ZNF44: variants seen among roughly 807,000 people sequenced by gnomAD.
The protein encoded by ZNF44 is gonadotropin inducible transcription repressor-2.
ZNF44 carries 9 observed loss-of-function variants against 11.7 expected under a neutral mutation model. The ratio of observed to expected loss-of-function variants is 0.77; its 90% CI spans 0.46 to 1.35. The LOEUF (loss-of-function observed/expected upper bound fraction) is 1.35, where lower values mean the gene tolerates loss of function less well. Among genes scored for constraint, ZNF44 ranks in the 40% most tolerant of loss-of-function variants. ZNF44 has a pLI of 0.00. For missense variants in ZNF44, 696 were observed against 743.1 expected (o/e 0.94, Z 0.74); for synonymous variants, 224 against 242.7 (o/e 0.92, Z 0.72).
downstream of ZNF44, among the ~76,000 whole-genome samples, chr19:12,269,026 G>C (rs1022757032): frequency 2.6e-5 from 4 of 151,824 alleles, no homozygotes; most frequent in South Asian, 2.1e-4. Flanking sequence ...TTACAGGCTT[G>C]AGCCACCATG....
chr19:12,274,461 G>C (rs1029782930), intron 3 of ZNF44, among the ~76,000 whole-genome samples: 9 of 151,374 alleles, frequency 5.9e-5, no homozygotes, highest in African/African-American at 1.9e-4. Context: ...TTTTAGTAGA[G>C]ATGGGGTTTC....
At position 12,276,311 on chromosome 19, in the gene ZNF44, G is replaced by A. The variant is rs566844507; in HGVS notation, c.4-229C>T. On this transcript the variant is annotated intron_variant, in intron 1 of 3. Transcript: ENST00000355684. ...GAGTAGGAACATATCTCTTATTGGT[G>A]AATTATGCAAGTGAATCTTATTGCC... is the stretch of plus-strand genomic sequence containing the variant. The A allele has an allele frequency of 4.0e-4, 246 of 607,816 alleles. 4 individuals carry two copies. The highest frequency in any genetic ancestry group is 3.5e-3 in the South Asian group (235 of 66,730). The allele number at this position is 607,816 out of a possible 1,614,324, so 37.7% of individuals were successfully genotyped here. A position where few individuals can be genotyped will look rare whatever the true frequency, so the allele number is the denominator to read the frequency against.
At chr19:12,247,219 A>AT, downstream of ZNF44, 1 of 1,066,244 alleles carries the variant, frequency 9.4e-7, no homozygotes, top group East Asian at 6.1e-5. Flanking sequence ...ATGAACTTTC[A>AT]TATCAACTTT....
chr19:12,272,778 G>A lies in ZNF44; in HGVS notation c.1477C>T (p.Arg493Cys), dbSNP rs368912997. ...KAFSSFKYFC[R>C]HERTHSEEKS... ...TCTTCACTGTGAGTCCTTTCATGGC[G>A]ACAAAAGTATTTAAAAGAACTAAAT... is the stretch of plus-strand genomic sequence containing the variant. The change falls in exon 4 of 4, where the codon CGC (arginine) becomes TGC (cysteine). Residue 493 changes from arginine (R) to cysteine (C), a missense_variant. Arg to Cys is a radical substitution (Grantham distance 180). Transcript: ENST00000355684. 264 of 1,613,208 alleles carry A rather than the reference G, an allele frequency of 1.6e-4. No homozygotes were observed. The highest frequency in any genetic ancestry group is 5.4e-4 in the South Asian group (49 of 91,030).
chr19:12,260,483 C>T, intron 5 of ZNF44: 1 of 1,314,950 alleles, frequency 7.6e-7, no homozygotes, highest in Non-Finnish European at 1.1e-6. Context: ...TCCTGTGCAG[C>T]CAGAAGCCTG....
rs748122765 is a variant in ZNF44, at chr19:12,276,063, T to A, written c.23A>T (p.Asp8Val). ...CTCATGGGTGAAGTTCACAGCCACA[T>A]CCTCAAAGGCCACTGAGTCCTGAAA... MDSVAFEDVAVNFTHEEW... is the reference protein window; with the variant it reads MDSVAFEVVAVNFTHEEW... Residue 8 changes from aspartate to valine, a missense_variant, in exon 2 of 4, where the codon GAT becomes GTT. Physicochemically the swap from Asp to Val is radical, Grantham distance 152 (BLOSUM62 -3). Coordinates refer to ENST00000355684, the MANE Select transcript of ZNF44 (RefSeq NM_016264.4). 3.7e-6 allele frequency: 6 copies of A among 1,607,030 alleles called. No homozygotes were observed. The South Asian group carries it at 6.6e-5, about 18-fold the overall frequency.
At chr19:12,248,564 A>G (rs563879689) in exon 8 of ZNF44, 2 of 1,291,672 alleles carry the variant, frequency 1.5e-6, no homozygotes, top group Non-Finnish European at 2.0e-6. Flanking sequence ...TGCTTTCCCA[A>G]AGCTTTCCTC....
upstream of ZNF44, among the ~76,000 whole-genome samples, chr19:12,239,413 C>CT (rs34726133): frequency 0.019 from 2,138 of 113,856 alleles, 33 homozygotes; most frequent in Non-Finnish European, 0.025. Flanking sequence ...TGCACCTGGC[C>CT]TTTTTTTTTT....
At chr19:12,237,152 G>A (rs1916422368) in intron 1 of ZNF44, 1 of 152,370 alleles carries the variant, frequency 6.6e-6, no homozygotes, top group African/African-American at 2.4e-5. Flanking sequence ...CCACACATGA[G>A]TCTGGATCCT....
intron 1 of ZNF44, among the ~76,000 whole-genome samples, chr19:12,288,772 ATGTATATATATATATAT>A (rs1367815217): frequency 1.7e-5 from 1 of 59,176 alleles, no homozygotes; most frequent in African/African-American, 6.3e-5. Flanking sequence ...AAAAAAAAAA[ATGTATATATATATATAT>A]ATATATATAT....
intron 2 of ZNF44, 40 bp downstream of exon 2, chr19:12,275,916 G>C (rs768619473): frequency 3.9e-6 from 6 of 1,551,940 alleles, no homozygotes; most frequent in Admixed American, 1.8e-5. Context: ...CAAAACAAAT[G>C]TCTCTAATTG....
chr19:12,248,145 G>T, exon 8 of ZNF44: 1 of 1,302,260 alleles, frequency 7.7e-7, no homozygotes, highest in Non-Finnish European at 1.0e-6. Context: ...CCTTTCATGT[G>T]CTCGAGCAGA....
At chr19:12,247,257 G>A (rs773464780), downstream of ZNF44, 17 of 1,169,654 alleles carry the variant, frequency 1.5e-5, no homozygotes, top group South Asian at 3.3e-5. Context: ...AAAAACTTTC[G>A]ATATTTACAT....
chr19:12,254,508 C>T (rs966367054), intron 5 of ZNF44, among the ~76,000 whole-genome samples: 34 of 152,022 alleles, frequency 2.2e-4, no homozygotes, highest in Admixed American at 2.6e-4. Context: ...CAAGGTGGGC[C>T]GACTGCCTGA....
chr19:12,246,968 C>T (rs1020665652), downstream of ZNF44, among the ~76,000 whole-genome samples: 9 of 151,270 alleles, frequency 5.9e-5, no homozygotes, highest in East Asian at 1.9e-4. Flanking sequence ...GGGGAGTTGG[C>T]GACCAGCCTG....
intron 1 of ZNF44, among the ~76,000 whole-genome samples, chr19:12,285,430 T>A (rs963020771): frequency 3.9e-5 from 6 of 152,062 alleles, no homozygotes; most frequent in African/African-American, 1.4e-4. Context: ...TATTTTGTGC[T>A]TTTAGTAGAA....
rs1305803401 is a variant in ZNF44, at chr19:12,284,385, C to T, written c.4-8303G>A. ...GCGGGGGTCCAGAGGCCCTGGGGAC[C>T]CTGGGATGGGGAACCGCAGTGGCTT... On this transcript the variant is annotated intron_variant, in intron 1 of 3. Transcript: ENST00000355684. The T allele has an allele frequency of 1.1e-5, 7 of 616,626 alleles. No homozygotes were observed. In the Admixed American group the frequency reaches 1.5e-4, roughly 13 times the overall value. 38.2% of individuals were successfully genotyped at this position (616,626 alleles called of 1,614,324 possible).
At chr19:12,256,697 C>CTTTT (rs950614463) in intron 5 of ZNF44, among the ~76,000 whole-genome samples, 13 of 102,772 alleles carry the variant, frequency 1.3e-4, no homozygotes, top group South Asian at 3.0e-4. Context: ...AGCAATTACT[C>CTTTT]TTTTTTTTTT....
chr19:12,240,043 C>A (rs1398926922), upstream of ZNF44, among the ~76,000 whole-genome samples: 1 of 152,144 alleles, frequency 6.6e-6, no homozygotes, highest in Admixed American at 6.5e-5. Flanking sequence ...ACAAATAAAT[C>A]GCAAGTAATC....
Sources: gnomAD v4.1 joint callset for allele counts (sites outside exome capture counted in the v4.1 genomes callset) on GRCh38, gnomAD v4.1.1 for gene constraint, MANE v1.5 for transcripts, NCBI Gene and HGNC (gene_info 2026-07-23, HGNC 2026-07-21) for gene names.